Variants in SGK1 observed in about 807,000 individuals in gnomAD.
The protein encoded by SGK1 is serum/glucocorticoid regulated kinase 1, also known as serine/threonine-protein kinase Sgk1.
A neutral mutation model predicts 64.2 loss-of-function variants in SGK1; 26 were observed. That is an observed-to-expected ratio of 0.40 (90% confidence interval 0.30 to 0.56). The LOEUF (loss-of-function observed/expected upper bound fraction) is 0.56, where lower values mean the gene tolerates loss of function less well. SGK1 is among the 20% of genes least tolerant of loss of function. The pLI is 0.38. For missense variants in SGK1, 519 were observed against 645.6 expected, an observed-to-expected ratio of 0.80 and a Z score of 2.12; for synonymous variants, 265 against 239.7, an observed-to-expected ratio of 1.11 and a Z score of -0.98.
chr6:134,174,212 C>CATT, intron 4 of SGK1, 132 bp from the exon 5 acceptor site: 1 of 654,680 alleles, frequency 1.5e-6, no homozygotes, highest in Non-Finnish European at 2.7e-6. Context: ...TACCCCAATA[C>CATT]ATTAGTCAGT....
intron 2 of SGK1, chr6:134,249,623 T>A (rs1236248089): frequency 6.6e-6 from 1 of 152,240 alleles, no homozygotes; most frequent in African/African-American, 2.4e-5. Context: ...TTGCTTGGAT[T>A]TTCCCCCTGT....
At chr6:134,197,898 AAATAT>A (rs1045447838) in intron 3 of SGK1, among the ~76,000 whole-genome samples, 9 of 32,638 alleles carry the variant, frequency 2.8e-4, no homozygotes, top group Admixed American at 1.1e-3. Context: ...AAATAAAATA[AAATAT>A]AAAATAAAAT....
chr6:134,239,396 T>G (rs1776409856), intron 2 of SGK1, among the ~76,000 whole-genome samples: 1 of 152,214 alleles, frequency 6.6e-6, no homozygotes. Context: ...CAGAGATATA[T>G]TTGTGAAATA....
At chr6:134,243,374 T>C (rs1776476705) in intron 2 of SGK1, among the ~76,000 whole-genome samples, 1 of 152,148 alleles carries the variant, frequency 6.6e-6, no homozygotes, top group African/African-American at 2.4e-5. Flanking sequence ...TATTTATTTA[T>C]TATTATTTGT....
intron 1 of SGK1, among the ~76,000 whole-genome samples, chr6:134,308,309 C>T (rs1036751992): frequency 6.6e-6 from 1 of 152,186 alleles, no homozygotes. Context: ...AAACTATTAA[C>T]TTTCATTTTT....
At chr6:134,254,355 G>A (rs1214733828) in intron 2 of SGK1, among the ~76,000 whole-genome samples, 1 of 152,002 alleles carries the variant, frequency 6.6e-6, no homozygotes, top group Non-Finnish European at 1.5e-5. Context: ...AAGTGCTGTG[G>A]GAGCATAAAT....
chr6:134,192,914 G>A (rs1026164978), intron 3 of SGK1, among the ~76,000 whole-genome samples: 5 of 152,056 alleles, frequency 3.3e-5, no homozygotes, highest in Non-Finnish European at 7.4e-5. Flanking sequence ...CTCTTTGAGG[G>A]CCATTTCATT....
intron 1 of SGK1, among the ~76,000 whole-genome samples, chr6:134,310,427 A>C (rs759222497): frequency 1.2e-4 from 18 of 152,112 alleles, no homozygotes; most frequent in Non-Finnish European, 2.2e-4. Flanking sequence ...CCCTCATCCA[A>C]ACTCTCTAAG....
intron 1 of SGK1, among the ~76,000 whole-genome samples, chr6:134,285,974 T>C (rs1257381527): frequency 6.6e-6 from 1 of 152,196 alleles, no homozygotes. Context: ...TGAAAAGTGT[T>C]GACTAAAACC....
At chr6:134,297,876 TG>T in intron 1 of SGK1, 1 of 796,422 alleles carries the variant, frequency 1.3e-6, no homozygotes, top group Non-Finnish European at 2.2e-6. Context: ...ATATTTGATC[TG>T]GTACATGCTC....
At chr6:134,176,759 G>T (rs908057148) in intron 3 of SGK1, among the ~76,000 whole-genome samples, 3 of 152,168 alleles carry the variant, frequency 2.0e-5, no homozygotes, top group Non-Finnish European at 4.4e-5. Context: ...TTGGGCAGGG[G>T]TTTGTTTTGC....
At chr6:134,304,513 G>A (rs1294439031) in intron 1 of SGK1, among the ~76,000 whole-genome samples, 1 of 152,140 alleles carries the variant, frequency 6.6e-6, no homozygotes, top group Non-Finnish European at 1.5e-5. Context: ...TTAGCCGGGT[G>A]TGGTGGCAGA....
chr6:134,260,693 AAGT>A (rs1776754926), intron 2 of SGK1: 1 of 151,826 alleles, frequency 6.6e-6, no homozygotes, highest in Non-Finnish European at 1.5e-5. Context: ...GAAAGAAAGA[AAGT>A]AGACAAATTA....
chr6:134,174,734 A>G, intron 3 of SGK1, 148 bp from the exon 4 acceptor site: 1 of 1,614,150 alleles, frequency 6.2e-7, no homozygotes, highest in Non-Finnish European at 8.5e-7. Flanking sequence ...GCACTCACCG[A>G]TGAGAATTGC....
At chr6:134,208,109 A>G (rs1338982028) in intron 2 of SGK1, among the ~76,000 whole-genome samples, 1 of 152,122 alleles carries the variant, frequency 6.6e-6, no homozygotes, top group Middle Eastern at 3.4e-3. Flanking sequence ...ACGGGGTTTC[A>G]CCATGTTGCC....
intron 2 of SGK1, among the ~76,000 whole-genome samples, chr6:134,220,771 T>C (rs1029097595): frequency 6.6e-6 from 1 of 152,160 alleles, no homozygotes; most frequent in Non-Finnish European, 1.5e-5. Context: ...GGGAGAGATA[T>C]AATTTTTTGA....
intron 3 of SGK1, among the ~76,000 whole-genome samples, chr6:134,204,221 A>T (rs939171170): frequency 7.2e-6 from 1 of 139,072 alleles, no homozygotes; most frequent in African/African-American, 2.6e-5. Context: ...AACTAGGCAA[A>T]AAATAAATAA....
intron 3 of SGK1, among the ~76,000 whole-genome samples, chr6:134,185,551 T>TG (rs1491507358): frequency 2.4e-4 from 31 of 130,284 alleles, no homozygotes; most frequent in Non-Finnish European, 4.3e-4. Context: ...TTCATATCTC[T>TG]ATGAGTGTGT....
chr6:134,309,235 T>A (rs1403636334), intron 1 of SGK1, among the ~76,000 whole-genome samples: 8 of 152,228 alleles, frequency 5.3e-5, no homozygotes, highest in Admixed American at 5.2e-4. Context: ...CATTTCAGAA[T>A]GCTGCAGAGA....
Sources: gnomAD v4.1 joint callset for allele counts (sites outside exome capture counted in the v4.1 genomes callset) on GRCh38, gnomAD v4.1.1 for gene constraint, MANE v1.5 for transcripts, NCBI Gene and HGNC (gene_info 2026-07-23, HGNC 2026-07-21) for gene names.